CEP76: variants seen among roughly 807,000 people sequenced by gnomAD.
The protein encoded by CEP76 is centrosomal protein of 76 kDa.
Under a neutral mutation model 83.3 loss-of-function variants are expected in CEP76, and 55 were observed. The observed-to-expected ratio is 0.66, with a 90% CI of 0.53 to 0.83. The LOEUF (loss-of-function observed/expected upper bound fraction) is 0.83. CEP76 is among the 40% of genes least tolerant of loss of function. The pLI is 0.00. For missense variants in CEP76, 694 were observed against 799.5 expected, an observed-to-expected ratio of 0.87 and a Z score of 1.59; for synonymous variants, 270 against 274.5, an observed-to-expected ratio of 0.98 and a Z score of 0.16.
At position 12,684,890 on chromosome 18, in the gene CEP76, A is replaced by G. The variant is rs2039483694; in HGVS notation, c.1122+1372T>C. The G allele has an allele frequency of 3.9e-5, 6 of 152,234 alleles. No individual in the cohort carries two copies. In the South Asian group the frequency reaches 1.0e-3, roughly 26 times the overall value. The allele number at this position is 152,234 out of a possible 1,614,324, so 9.4% of individuals were successfully genotyped here. ...TAGTTTACTAAAATCAAGTCATTCA[A>G]AAAGTGTAATTAAATATACATTTGT... On this transcript the variant is annotated intron_variant, in intron 8 of 11. Transcript: ENST00000262127.
At chr18:12,678,498 C>T in intron 9 of CEP76, 56 bp from the exon 10 acceptor site, 1 of 1,180,864 alleles carries the variant, frequency 8.5e-7, no homozygotes, top group African/African-American at 1.6e-5. Flanking sequence ...AAGGCAGCAT[C>T]TTACTGAGAA....
At position 12,698,997 on chromosome 18, in the gene CEP76, C is replaced by G. The variant is rs1231129169; in HGVS notation, c.502G>C (p.Val168Leu). ...TTCTTACCCAAGCTTTCTCTGTGTA[C>G]TTCAAGTAAAAAGCCATCATGAAAA... ...PDFHDGFLLE[V>L]HRESLGDGTR... Residue 168 changes from valine (V) to leucine (L), a missense_variant, in exon 4 of 12, where the codon GTA (valine) becomes CTA (leucine). By Grantham distance (32) the Val-to-Leu change is conservative (BLOSUM62 1). Coordinates refer to ENST00000262127, the MANE Select transcript of CEP76 (RefSeq NM_024899.4). 1 of 1,612,134 alleles carries G rather than the reference C, an allele frequency of 6.2e-7. No individual in the cohort carries two copies.
At chr18:12,669,979 A>C (rs1057445138), downstream of CEP76, among the ~76,000 whole-genome samples, 7 of 125,950 alleles carry the variant, frequency 5.6e-5, no homozygotes, top group African/African-American at 2.1e-4. Context: ...CCTGGGCAAC[A>C]AGAGCCAAAC....
chr18:12,697,118 A>C (rs966590018), intron 5 of CEP76, 105 bp downstream of exon 5: 7 of 799,446 alleles, frequency 8.8e-6, no homozygotes, highest in Non-Finnish European at 1.3e-5. Context: ...ATTCTATTTT[A>C]CAGGTTTCCC....
rs533839259 is a variant in CEP76 at position 12,664,307 on chromosome 18, G to A, written c.*1728-2138C>T. Reference sequence around the variant, plus strand: ...ACCTATAATCCCAGCACTTTGAGAGGCCGAGAAGGGTGGATCACGAGGCCA... The same window carrying A: ...ACCTATAATCCCAGCACTTTGAGAGACCGAGAAGGGTGGATCACGAGGCCA... On this transcript the variant is annotated intron_variant and NMD_transcript_variant, in intron 12 of 12. Coordinates refer to the CEP76 transcript ENST00000590143. 2.0e-5 allele frequency among the ~76,000 whole-genome samples: 3 copies of A among 152,264 alleles called. No homozygotes were observed. In the East Asian group the frequency reaches 5.8e-4, roughly 29 times the overall value.
intron 7 of CEP76, among the ~76,000 whole-genome samples, chr18:12,690,185 C>T (rs1414776716): frequency 6.6e-6 from 1 of 152,192 alleles, no homozygotes; most frequent in East Asian, 1.9e-4. Flanking sequence ...ACAACGCTAT[C>T]AGAAAGTCAG....
At chr18:12,678,814 G>A (rs780274769) in intron 9 of CEP76, among the ~76,000 whole-genome samples, 2 of 151,992 alleles carry the variant, frequency 1.3e-5, no homozygotes, top group Non-Finnish European at 2.9e-5. Context: ...AAATTAGCTG[G>A]GCATGGGAGC....
At chr18:12,665,245 G>A (rs1276864647) in intron 12 of CEP76, 1 of 152,132 alleles carries the variant, frequency 6.6e-6, no homozygotes, top group Non-Finnish European at 1.5e-5. Flanking sequence ...TTTAAGTTTT[G>A]CCTTAGTAAT....
At chr18:12,685,289 C>T (rs1442104118) in intron 8 of CEP76, 1 of 152,074 alleles carries the variant, frequency 6.6e-6, no homozygotes, top group African/African-American at 2.4e-5. Context: ...CATGAGCCAC[C>T]ACGCCCAGCC....
downstream of CEP76, among the ~76,000 whole-genome samples, chr18:12,669,918 A>G (rs905926104): frequency 2.4e-5 from 2 of 83,294 alleles, no homozygotes; most frequent in Non-Finnish European, 5.2e-5. Context: ...AATCACTTGA[A>G]CCCAGGAGGC....
chr18:12,673,367 A>G lies in CEP76; in HGVS notation c.1978T>C (p.Ter660GlnextTer12), dbSNP rs2038998224. ...MFACKYRSVL[*>Q] is the part of the protein sequence containing the mutation. ...TAAATCTTATATAAATATTGGCCCTATAATACCGAGCGATATTTACAAGCA... is the reference window on the plus strand; with the variant it reads ...TAAATCTTATATAAATATTGGCCCTGTAATACCGAGCGATATTTACAAGCA... The change falls in exon 12 of 12, where the codon TAG becomes CAG. Residue 660 changes from the stop codon to glutamine, a stop_lost. Coordinates refer to ENST00000262127, the MANE Select transcript of CEP76 (RefSeq NM_024899.4). 6.2e-7 allele frequency: 1 copy of G among 1,606,064 alleles called. No individual in the cohort carries two copies. Among genetic ancestry groups the G allele is most frequent in the Non-Finnish European group, 8.5e-7 (1 of 1,177,476 alleles).
chr18:12,670,896 G>T (rs868035839), downstream of CEP76: 7 of 151,676 alleles, frequency 4.6e-5, no homozygotes, highest in African/African-American at 1.7e-4. Context: ...AGATTCTCCT[G>T]CCTCAGCCTC....
At chr18:12,698,105 A>C (rs1351080482) in intron 4 of CEP76, among the ~76,000 whole-genome samples, 1 of 151,972 alleles carries the variant, frequency 6.6e-6, no homozygotes, top group African/African-American at 2.4e-5. Context: ...AAGAAAAAAA[A>C]GAAAAAATTA....
At chr18:12,678,044 C>CA in intron 10 of CEP76, 65 bp downstream of exon 10, 2 of 1,346,336 alleles carry the variant, frequency 1.5e-6, no homozygotes, top group Non-Finnish European at 2.1e-6. Flanking sequence ...TCACACACAC[C>CA]AAAAAACAGT....
rs2040125223 is a variant in CEP76, at chr18:12,700,825, G to A, written c.219+133C>T. 4 of 615,552 alleles carry A rather than the reference G, an allele frequency of 6.5e-6. No homozygotes were observed. The South Asian group carries it at 9.4e-5, about 14-fold the overall frequency. The allele number at this position is 615,552 out of a possible 1,614,324, so 38.1% of individuals were successfully genotyped here. On this transcript the variant is annotated intron_variant, in intron 2 of 11. Transcript: ENST00000262127. The stretch of plus-strand genomic sequence containing the variant: ...CAGAGCTAGCCTATACTTGAAACAA[G>A]GACACTAGTAAACAGAATGACCTTG...
At chr18:12,697,760 A>G (rs2040007187) in intron 4 of CEP76, among the ~76,000 whole-genome samples, 1 of 152,228 alleles carries the variant, frequency 6.6e-6, no homozygotes, top group African/African-American at 2.4e-5. Context: ...CTACCTCAAG[A>G]AATCCCTTTA....
At chr18:12,675,937 G>A (rs972715083) in intron 10 of CEP76, among the ~76,000 whole-genome samples, 2 of 152,174 alleles carry the variant, frequency 1.3e-5, no homozygotes, top group East Asian at 3.9e-4. Flanking sequence ...CCAAAGTGCT[G>A]GGATTACAGG....
At chr18:12,697,963 A>G (rs1568032588) in intron 4 of CEP76, among the ~76,000 whole-genome samples, 1 of 152,182 alleles carries the variant, frequency 6.6e-6, no homozygotes, top group Non-Finnish European at 1.5e-5. Context: ...TAGTTTACAA[A>G]TATAAAGATT....
At chr18:12,675,858 G>A (rs541886253) in intron 10 of CEP76, among the ~76,000 whole-genome samples, 5 of 151,564 alleles carry the variant, frequency 3.3e-5, no homozygotes, top group Admixed American at 6.6e-5. Context: ...TAGTAGAGAC[G>A]GGCTTTCACC....
Sources: gnomAD v4.1 joint callset for allele counts (sites outside exome capture counted in the v4.1 genomes callset) on GRCh38, gnomAD v4.1.1 for gene constraint, MANE v1.5 for transcripts, NCBI Gene and HGNC (gene_info 2026-07-23, HGNC 2026-07-21) for gene names.